Variants in LRRN2 observed in about 807,000 individuals in gnomAD.
LRRN2 encodes leucine-rich repeat neuronal protein 2.
LRRN2 carries 10 observed loss-of-function variants against 35.7 expected under a neutral mutation model. The ratio of observed to expected loss-of-function variants is 0.28; its 90% CI spans 0.17 to 0.47. LRRN2 has a LOEUF of 0.47. LRRN2 is among the 20% of genes least tolerant of loss of function. The pLI is 0.99. For missense variants in LRRN2, 731 were observed against 940.3 expected, an observed-to-expected ratio of 0.78 and a Z score of 2.91; for synonymous variants, 391 against 409.6, an observed-to-expected ratio of 0.95 and a Z score of 0.55.
intron 1 of LRRN2, among the ~76,000 whole-genome samples, chr1:204,640,610 G>T (rs1289247045): frequency 2.0e-5 from 3 of 151,964 alleles, no homozygotes; most frequent in African/African-American, 7.3e-5. Context: ...TGACTCTCCT[G>T]TCTCTTCTCT....
At position 204,619,901 on chromosome 1, in the gene LRRN2, G is replaced by A. The variant is rs1666731135; in HGVS notation, c.92C>T (p.Pro31Leu). The change falls in exon 2 of 2, where the codon CCT becomes CTT. Residue 31 changes from proline (P) to leucine (L), a missense_variant. Around this residue, in one of 3 missense-constraint regions of LRRN2, gnomAD observed 246 missense variants for 289.5 expected, o/e 0.85. Coordinates refer to ENST00000367177, the MANE Select transcript of LRRN2 (RefSeq NM_201630.2). ...PVVPWHVPCP[P>L]QCACQIRPWY... ...GGGCCGGATCTGGCAGGCACACTGA[G>A]GGGGGCAGGGAACATGCCAGGGTAC... 6.2e-7 allele frequency: 1 copy of A among 1,613,824 alleles called. No individual in the cohort carries two copies. Among genetic ancestry groups the A allele is most frequent in the South Asian group, 1.1e-5 (1 of 91,046 alleles).
Position 204,619,697 on chromosome 1 carries a change from T to C in LRRN2, c.296A>G (p.Asp99Gly). The change falls in exon 2 of 2, where the codon GAC (aspartate) becomes GGC (glycine). Residue 99 changes from aspartate to glycine, a missense_variant. Asp to Gly is a moderately conservative substitution (Grantham distance 94, BLOSUM62 -1). This residue lies in a region of LRRN2 where 246 missense variants were observed against 289.5 expected (regional missense o/e 0.85). Coordinates refer to ENST00000367177, the MANE Select transcript of LRRN2 (RefSeq NM_201630.2). ...ATCCGAAAAGCTGTTCTGGGACAGG[T>C]CCAGCTCTGTGAGATTGGCCAGGTA... Reference protein sequence around the residue: ...LGYLANLTELDLSQNSFSDAR... With the variant: ...LGYLANLTELGLSQNSFSDAR... 2.5e-6 allele frequency: 4 copies of C among 1,614,114 alleles called. No individual in the cohort carries two copies. Among genetic ancestry groups the C allele is most frequent in the Non-Finnish European group, 2.5e-6 (3 of 1,179,980 alleles).
intron 1 of LRRN2, among the ~76,000 whole-genome samples, chr1:204,681,068 C>T (rs915942701): frequency 1.3e-5 from 2 of 151,936 alleles, no homozygotes; most frequent in African/African-American, 2.4e-5. Context: ...GTGATTCTCC[C>T]GCCTCAGCCT....
intron 1 of LRRN2, among the ~76,000 whole-genome samples, chr1:204,679,275 C>T (rs1668887916): frequency 6.6e-6 from 1 of 152,230 alleles, no homozygotes; most frequent in South Asian, 2.1e-4. Flanking sequence ...AAATGTCTCA[C>T]TTCCCACCAG....
Position 204,618,104 on chromosome 1 carries a change from C to T in LRRN2, c.1889G>A (p.Gly630Glu), listed in dbSNP as rs376037727. Reference sequence around the variant, plus strand: ...AGCGAGAGCCAGGATGGCAATGAGCCCAGGACGGTCCCCTAAGGCTCTGTG... The same window carrying T: ...AGCGAGAGCCAGGATGGCAATGAGCTCAGGACGGTCCCCTAAGGCTCTGTG... The part of the protein sequence containing the change: ...SCHRALGDRP[G>E]LIAILALAVL... The change falls in exon 2 of 2, where the codon GGG becomes GAG. Residue 630 changes from glycine to glutamate, a missense_variant. Physicochemically the swap from Gly to Glu is moderately conservative, Grantham distance 98. This residue lies in a region of LRRN2 where 229 missense variants were observed against 258.4 expected (regional missense o/e 0.89). Transcript: ENST00000367177. 6 of 1,614,094 alleles carry T rather than the reference C, an allele frequency of 3.7e-6. No individual in the cohort carries two copies. The highest frequency in any genetic ancestry group is 4.2e-6 in the Non-Finnish European group (5 of 1,179,976).
Position 204,619,604 on chromosome 1 carries a change from G to C in LRRN2, c.389C>G (p.Thr130Ser). 2.5e-6 allele frequency: 4 copies of C among 1,614,198 alleles called. No individual in the cohort carries two copies. Among genetic ancestry groups the C allele is most frequent in the African/African-American group, 1.3e-5 (1 of 75,066 alleles). ...TGCAAAGCTGTGGTCCTCCAGCCGG[G>C]TCAGCTGGTTCTCCTCTAGGTGCAG... The part of the protein sequence containing the change: ...LSLHLEENQL[T>S]RLEDHSFAGL... The change falls in exon 2 of 2, where the codon ACC becomes AGC. Residue 130 changes from threonine (T) to serine (S), a missense_variant. This residue lies in a region of LRRN2 where 246 missense variants were observed against 289.5 expected (regional missense o/e 0.85). Coordinates refer to ENST00000367177, the MANE Select transcript of LRRN2 (RefSeq NM_201630.2).
At chr1:204,642,526 T>C (rs79248176) in intron 1 of LRRN2, among the ~76,000 whole-genome samples, 1 of 83,684 alleles carries the variant, frequency 1.2e-5, no homozygotes, top group East Asian at 4.8e-4. Flanking sequence ...AGTAGCAGGG[T>C]AGGCAAAAAG....
In LRRN2 at chr1:204,677,662, C is replaced by T. The variant is rs993538253; in HGVS notation, c.-227+7658G>A. On this transcript the variant is annotated intron_variant, in intron 1 of 1. Transcript: ENST00000367177. ...TTCCAGAGAACATGGCTCCAGACAC[C>T]AGTGAACTAAGAGGCCGAGATTCCC... Among the ~76,000 whole-genome samples the T allele has an allele frequency of 2.0e-5, 3 of 152,138 alleles. No homozygotes were observed. In the East Asian group the frequency reaches 5.8e-4, roughly 29 times the overall value.
intron 1 of LRRN2, among the ~76,000 whole-genome samples, chr1:204,678,495 A>T (rs1668872546): frequency 6.6e-6 from 1 of 152,184 alleles, no homozygotes; most frequent in African/African-American, 2.4e-5. Flanking sequence ...CAACCCTGCA[A>T]GAGCCCATCT....
intron 1 of LRRN2, among the ~76,000 whole-genome samples, chr1:204,674,693 C>T (rs945825612): frequency 3.9e-5 from 6 of 152,164 alleles, no homozygotes; most frequent in African/African-American, 1.4e-4. Flanking sequence ...TCTCCTTTCC[C>T]AGAGCTGTGT....
chr1:204,619,991 ATGG>A lies in LRRN2; in HGVS notation c.-2_1del. 1 of 1,607,128 alleles carries A rather than the reference ATGG, an allele frequency of 6.2e-7. No individual in the cohort carries two copies. The highest frequency in any genetic ancestry group is 8.5e-7 in the Non-Finnish European group (1 of 1,177,448). ...CAAGAGTGGGGCCACGAGAAGCCTC[ATGG>A]TGGAGCTGCAGGGCAGGGGACCATT... is the stretch of plus-strand genomic sequence containing the variant. On this transcript the variant is annotated start_lost and start_retained_variant and 5_prime_UTR_variant, in exon 2 of 2. Coordinates refer to ENST00000367177, the MANE Select transcript of LRRN2 (RefSeq NM_201630.2).
At chr1:204,660,577 ACACTCTCTCT>A (rs759686507) in intron 1 of LRRN2, among the ~76,000 whole-genome samples, 5 of 147,234 alleles carry the variant, frequency 3.4e-5, no homozygotes, top group African/African-American at 5.1e-5. Context: ...ACACACACAC[ACACTCTCTCT>A]CTCTCTCTCT....
intron 1 of LRRN2, among the ~76,000 whole-genome samples, chr1:204,624,038 C>T (rs1667124677): frequency 6.6e-6 from 1 of 152,330 alleles, no homozygotes; most frequent in Non-Finnish European, 1.5e-5. Flanking sequence ...GGGTCTTTGA[C>T]TCTACATCCT....
At chr1:204,631,591 A>G (rs875093) in intron 1 of LRRN2, among the ~76,000 whole-genome samples, 73,496 of 150,908 alleles carry the variant, frequency 0.49, 18,337 homozygotes, top group Admixed American at 0.55. Flanking sequence ...ATTCTACCTC[A>G]TGTAGGAAGT....
chr1:204,622,470 G>A (rs1666967553), intron 1 of LRRN2, among the ~76,000 whole-genome samples: 1 of 152,164 alleles, frequency 6.6e-6, no homozygotes, highest in Admixed American at 6.5e-5. Context: ...AAACAACCGC[G>A]ACTTCAAAGG....
chr1:204,620,254 GAGA>G (rs1666782023), intron 1 of LRRN2, 36 bp from the exon 2 acceptor site: 1 of 1,380,642 alleles, frequency 7.2e-7, no homozygotes, highest in African/African-American at 1.5e-5. Flanking sequence ...GGAGGTTGCA[GAGA>G]AGCAGTATCT....
At chr1:204,624,151 C>T (rs931821707) in intron 1 of LRRN2, among the ~76,000 whole-genome samples, 1 of 152,204 alleles carries the variant, frequency 6.6e-6, no homozygotes, top group Non-Finnish European at 1.5e-5. Context: ...GAGTCCTCAG[C>T]TCCTCCACGC....
chr1:204,639,237 G>A (rs1667923907), intron 1 of LRRN2, among the ~76,000 whole-genome samples: 1 of 152,242 alleles, frequency 6.6e-6, no homozygotes, highest in Non-Finnish European at 1.5e-5. Flanking sequence ...GATTCATTGA[G>A]CCCAATCCTG....
intron 1 of LRRN2, chr1:204,621,769 A>C (rs1666910836): frequency 6.0e-6 from 1 of 167,118 alleles, no homozygotes; most frequent in Admixed American, 6.5e-5. Flanking sequence ...CCAAAGATGG[A>C]AACAAAAAGG....
Sources: gnomAD v4.1 joint callset for allele counts (sites outside exome capture counted in the v4.1 genomes callset) on GRCh38, gnomAD v4.1.1 for gene constraint, gnomAD v4.1.1 regional missense constraint, MANE v1.5 for transcripts, NCBI Gene and HGNC (gene_info 2026-07-23, HGNC 2026-07-21) for gene names.